Variants in FGF12 observed in about 807,000 individuals in gnomAD.
FGF12 encodes the protein fibroblast growth factor 12B.
FGF12 carries 14 observed loss-of-function variants against 23.6 expected under a neutral mutation model. The observed-to-expected ratio is 0.59, with a 90% CI of 0.39 to 0.93. The LOEUF (loss-of-function observed/expected upper bound fraction) is 0.93, where lower values mean the gene tolerates loss of function less well. FGF12 is among the 40% of genes least tolerant of loss of function. FGF12 has a pLI of 0.00. For missense variants in FGF12, 175 were observed against 217.8 expected (o/e 0.80, Z 1.24); for synonymous variants, 62 against 77.3 (o/e 0.80, Z 1.04).
chr3:192,261,485 G>T lies in FGF12; in HGVS notation c.228+73876C>A, dbSNP rs189128827. Among the ~76,000 whole-genome samples the T allele has an allele frequency of 2.1e-3, 323 of 152,250 alleles. 1 individual carries two copies. Among genetic ancestry groups the T allele is most frequent in the Middle Eastern group, 0.02 (6 of 294 alleles). The stretch of plus-strand genomic sequence containing the variant: ...GAGGATTTAACTGTTGATTACACAA[G>T]CTTTTAAGTTTGGATTAACACCTTG... On this transcript the variant is annotated intron_variant, in intron 4 of 5. Coordinates refer to ENST00000445105, the MANE Select transcript of FGF12 (RefSeq NM_004113.6).
Position 192,373,313 on chromosome 3 carries a change from T to A in FGF12, c.14-12775A>T, listed in dbSNP as rs538486642. ...TTTTTTTTTTTTTCAGTGACCTAGTTTCTTCTCTCTGGGCTTCAGGTTTCA... is the reference window on the plus strand; with the variant it reads ...TTTTTTTTTTTTTCAGTGACCTAGTATCTTCTCTCTGGGCTTCAGGTTTCA... On this transcript the variant is annotated intron_variant, in intron 2 of 5. Coordinates refer to ENST00000445105, the MANE Select transcript of FGF12 (RefSeq NM_004113.6). Among the ~76,000 whole-genome samples, 71 of 151,834 alleles carry A rather than the reference T, an allele frequency of 4.7e-4. 2 individuals carry two copies. Among genetic ancestry groups the A allele is most frequent in the Non-Finnish European group, 3.8e-4 (26 of 67,998 alleles).
chr3:192,708,208 C>T (rs1329022338), intron 2 of FGF12, among the ~76,000 whole-genome samples: 1 of 152,092 alleles, frequency 6.6e-6, no homozygotes, highest in African/African-American at 2.4e-5. Flanking sequence ...ATCCACCCAC[C>T]TCGGCCTCCC....
At chr3:192,293,680 C>T (rs1359661715) in intron 4 of FGF12, among the ~76,000 whole-genome samples, 1 of 152,122 alleles carries the variant, frequency 6.6e-6, no homozygotes, top group East Asian at 1.9e-4. Context: ...TTCAAACGTT[C>T]CTTCTTTTTG....
chr3:192,357,285 C>A (rs952762971), intron 3 of FGF12, among the ~76,000 whole-genome samples: 3 of 152,068 alleles, frequency 2.0e-5, no homozygotes, highest in Non-Finnish European at 2.9e-5. Flanking sequence ...AGATCGAGAC[C>A]ATCCTGGCCA....
chr3:192,712,540 G>T (rs1229537518), intron 2 of FGF12, among the ~76,000 whole-genome samples: 1 of 151,878 alleles, frequency 6.6e-6, no homozygotes, highest in Non-Finnish European at 1.5e-5. Flanking sequence ...TAAGAAATCA[G>T]AATGTTAGAA....
At chr3:192,445,019 T>C (rs1190090710) in intron 2 of FGF12, among the ~76,000 whole-genome samples, 1 of 152,236 alleles carries the variant, frequency 6.6e-6, no homozygotes, top group African/African-American at 2.4e-5. Context: ...CAAGTTAAAA[T>C]TTACATAGTA....
Position 192,408,409 on chromosome 3 carries a change from C to G in FGF12, c.14-47871G>C. ...AGGTTAGTCAAAGTCTGGGCAGTGG[C>G]GACAAAATGTGTGAAAATCCAGATG... On this transcript the variant is annotated intron_variant, in intron 2 of 5. Coordinates refer to ENST00000445105, the MANE Select transcript of FGF12 (RefSeq NM_004113.6). The surrounding 1 kb of genome is among the most constrained non-coding windows in gnomAD (Gnocchi z 7.3). 1 of 1,399,732 alleles carries G rather than the reference C, an allele frequency of 7.1e-7. No homozygotes were observed. The highest frequency in any genetic ancestry group is 9.2e-7 in the Non-Finnish European group (1 of 1,082,598). The allele number at this position is 1,399,732 out of a possible 1,614,324, so 86.7% of individuals were successfully genotyped here.
chr3:192,628,442 T>TACACACACACACAC, intron 2 of FGF12, among the ~76,000 whole-genome samples: 1 of 135,012 alleles, frequency 7.4e-6, no homozygotes, highest in African/African-American at 2.8e-5. Context: ...ACCAAAGGAA[T>TACACACACACACAC]ACACACACAC....
In FGF12 at chr3:192,655,629, C is replaced by A. The variant is rs138845896; in HGVS notation, c.13+71552G>T. 3.9e-3 allele frequency among the ~76,000 whole-genome samples: 587 copies of A among 152,124 alleles called. 5 individuals are homozygous for A. The highest frequency in any genetic ancestry group is 0.014 in the African/African-American group (565 of 41,514). On this transcript the variant is annotated intron_variant, in intron 2 of 5. Transcript: ENST00000445105. ...ACCCATTTAATCATAACTGATGAGT[C>A]CCCCAAAATATAAGTAAAATAAAGA...
rs555267596 is a variant in FGF12 at position 192,330,471 on chromosome 3, A to C, written c.228+4890T>G. On this transcript the variant is annotated intron_variant, in intron 4 of 5. Transcript: ENST00000445105. ...TTCAACAAGATTACACAATGGAGAAAGGTTAGCCTCTCAACAAGTGGTGTT... is the reference window on the plus strand; with the variant it reads ...TTCAACAAGATTACACAATGGAGAACGGTTAGCCTCTCAACAAGTGGTGTT... Among the ~76,000 whole-genome samples, 21 of 152,310 alleles carry C rather than the reference A, an allele frequency of 1.4e-4. No homozygotes were observed. The South Asian group carries it at 3.9e-3, about 29-fold the overall frequency.
chr3:192,609,190 A>G (rs1714457269), intron 2 of FGF12, among the ~76,000 whole-genome samples: 1 of 152,056 alleles, frequency 6.6e-6, no homozygotes, highest in Non-Finnish European at 1.5e-5. Context: ...CGGTAGTCAC[A>G]CCCTCTACCC....
intron 2 of FGF12, among the ~76,000 whole-genome samples, chr3:192,559,846 A>AC (rs1239683599): frequency 0.019 from 1 of 54 alleles, no homozygotes; most frequent in Non-Finnish European, 0.042. Flanking sequence ...TTAATGAATT[A>AC]AAAAAATCAG....
At chr3:192,478,005 C>T (rs1308654162) in intron 2 of FGF12, among the ~76,000 whole-genome samples, 1 of 152,204 alleles carries the variant, frequency 6.6e-6, no homozygotes, top group Admixed American at 6.5e-5. Flanking sequence ...GATAAGCACA[C>T]TGGCTTATGA....
At chr3:192,251,059 T>G (rs1207779994) in intron 4 of FGF12, among the ~76,000 whole-genome samples, 1 of 152,094 alleles carries the variant, frequency 6.6e-6, no homozygotes, top group African/African-American at 2.4e-5. Context: ...AAACTTACAG[T>G]CTTAAGCTGA....
chr3:192,315,904 A>G (rs1716203197), intron 4 of FGF12, among the ~76,000 whole-genome samples: 1 of 152,190 alleles, frequency 6.6e-6, no homozygotes, highest in Non-Finnish European at 1.5e-5. Flanking sequence ...ACTCTCAAAA[A>G]TTGGTTCACT....
intron 2 of FGF12, among the ~76,000 whole-genome samples, chr3:192,434,128 G>A (rs1296057783): frequency 6.6e-6 from 1 of 152,030 alleles, no homozygotes; most frequent in Non-Finnish European, 1.5e-5. Flanking sequence ...TTAACCAATT[G>A]TGGAAAAAAA....
chr3:192,635,832 A>C (rs1715560525), intron 2 of FGF12, among the ~76,000 whole-genome samples: 2 of 152,176 alleles, frequency 1.3e-5, no homozygotes, highest in African/African-American at 2.4e-5. Context: ...AAGATGTAGA[A>C]CTGATTCTCT....
intron 2 of FGF12, among the ~76,000 whole-genome samples, chr3:192,424,833 T>G (rs1721644381): frequency 6.6e-6 from 1 of 152,150 alleles, no homozygotes; most frequent in South Asian, 2.1e-4. Flanking sequence ...AATAAAACTT[T>G]GCAATAGGCC....
chr3:192,416,925 G>A (rs1721375722), intron 2 of FGF12, among the ~76,000 whole-genome samples: 1 of 152,050 alleles, frequency 6.6e-6, no homozygotes, highest in Admixed American at 6.6e-5. Flanking sequence ...ATAAGATAAT[G>A]TATAAGAATA....
Sources: gnomAD v4.1 joint callset for allele counts (sites outside exome capture counted in the v4.1 genomes callset) on GRCh38, gnomAD v4.1.1 for gene constraint, Gnocchi (gnomAD v3.1) non-coding constraint, MANE v1.5 for transcripts, NCBI Gene and HGNC (gene_info 2026-07-23, HGNC 2026-07-21) for gene names.